PTPRD: variants seen among roughly 807,000 people sequenced by gnomAD.
PTPRD encodes the protein protein tyrosine phosphatase receptor type D, also known as receptor-type tyrosine-protein phosphatase delta.
In PTPRD, 34 loss-of-function variants were observed where a neutral mutation model predicts 214.5. The ratio of observed to expected loss-of-function variants is 0.16; its 90% CI spans 0.12 to 0.21. The LOEUF (loss-of-function observed/expected upper bound fraction) is 0.21. PTPRD is among the 10% of genes least tolerant of loss of function. PTPRD has a pLI of 1.00. For synonymous variants in PTPRD, 1,128 were observed against 845.7 expected (o/e 1.33, Z -5.79); for missense variants, 2,545 against 2,398.7 (o/e 1.06, Z -1.27).
intron 4 of PTPRD, among the ~76,000 whole-genome samples, chr9:10,016,393 A>ATAGATAGATATATAGATAGG (rs56040812): frequency 1.6e-4 from 24 of 150,012 alleles, no homozygotes; most frequent in African/African-American, 5.7e-4. Context: ...AGATAGATAG[A>ATAGATAGATATATAGATAGG]TAGACAGATA....
intron 2 of PTPRD, among the ~76,000 whole-genome samples, chr9:10,341,810 T>C (rs541635765): frequency 5.3e-5 from 8 of 152,176 alleles, no homozygotes; most frequent in African/African-American, 1.2e-4. Flanking sequence ...CCAGCTGATA[T>C]TGAGTTCCTA....
intron 8 of PTPRD, among the ~76,000 whole-genome samples, chr9:9,439,104 T>G (rs7855246): frequency 6.6e-6 from 1 of 151,860 alleles, no homozygotes; most frequent in African/African-American, 2.4e-5. Flanking sequence ...ATTCATAAAG[T>G]AGTATAAAGT....
intron 9 of PTPRD, among the ~76,000 whole-genome samples, chr9:9,268,366 C>T (rs116216636): frequency 0.011 from 1,581 of 150,048 alleles, 35 homozygotes; most frequent in African/African-American, 0.036. Context: ...ATGGAAAAAA[C>T]GCAAGTATAT....
intron 12 of PTPRD, among the ~76,000 whole-genome samples, chr9:8,714,440 T>C (rs2098407852): frequency 6.6e-6 from 1 of 152,158 alleles, no homozygotes. Context: ...AATCCCAACA[T>C]CACTAGCAAA....
intron 3 of PTPRD, among the ~76,000 whole-genome samples, chr9:10,224,575 T>A (rs1208895214): frequency 2.0e-5 from 3 of 152,084 alleles, no homozygotes; most frequent in Admixed American, 1.3e-4. Flanking sequence ...TATCCTTTTG[T>A]GATATTTTAA....
intron 10 of PTPRD, among the ~76,000 whole-genome samples, chr9:9,112,503 GAAAA>G (rs2099807457): frequency 1.3e-5 from 2 of 152,078 alleles, no homozygotes. Context: ...CTGGCCTTGA[GAAAA>G]TTCTCTTTCT....
intron 11 of PTPRD, among the ~76,000 whole-genome samples, chr9:8,820,802 A>G (rs2154526522): frequency 6.6e-6 from 1 of 152,318 alleles, no homozygotes; most frequent in East Asian, 1.9e-4. Context: ...GTAGAGTCAC[A>G]GAATACCTCT....
intron 4 of PTPRD, among the ~76,000 whole-genome samples, chr9:9,963,836 G>C (rs1370514654): frequency 6.6e-6 from 1 of 152,134 alleles, no homozygotes; most frequent in Admixed American, 6.5e-5. Context: ...GCTGTCAAAG[G>C]ATTCATCAAC....
intron 12 of PTPRD, among the ~76,000 whole-genome samples, chr9:8,705,756 G>C (rs1597484803): frequency 6.6e-6 from 1 of 152,220 alleles, no homozygotes; most frequent in Middle Eastern, 3.4e-3. Flanking sequence ...TGTATCACAT[G>C]TTTATTACTT....
chr9:8,816,763 C>A (rs868840675), intron 11 of PTPRD, among the ~76,000 whole-genome samples: 1 of 152,184 alleles, frequency 6.6e-6, no homozygotes, highest in African/African-American at 2.4e-5. Flanking sequence ...AGTCTTTTTA[C>A]ATAAACAAAA....
intron 2 of PTPRD, among the ~76,000 whole-genome samples, chr9:10,591,864 G>T (rs1004901910): frequency 6.6e-6 from 1 of 152,090 alleles, no homozygotes; most frequent in Non-Finnish European, 1.5e-5. Context: ...ACATGGCAAG[G>T]TATTGTAGTT....
chr9:9,608,075 C>G (rs906372945), intron 7 of PTPRD, among the ~76,000 whole-genome samples: 12 of 152,168 alleles, frequency 7.9e-5, no homozygotes, highest in Admixed American at 7.2e-4. Flanking sequence ...AGGTTAAGAT[C>G]ACTGGCTCCA....
chr9:8,816,333 G>A (rs1277859942), intron 11 of PTPRD, among the ~76,000 whole-genome samples: 1 of 152,206 alleles, frequency 6.6e-6, no homozygotes, highest in Non-Finnish European at 1.5e-5. Context: ...ACTGTATACA[G>A]AAGAACAGAA....
chr9:9,492,295 C>A (rs774841425), intron 8 of PTPRD, among the ~76,000 whole-genome samples: 1 of 149,004 alleles, frequency 6.7e-6, no homozygotes, highest in Non-Finnish European at 1.5e-5. Flanking sequence ...AACCCTGGAC[C>A]TGATGGACTC....
In PTPRD at chr9:9,290,111, C is replaced by A. The variant is rs1273707543; in HGVS notation, c.-202-106748G>T. On this transcript the variant is annotated intron_variant, in intron 9 of 45. Transcript: ENST00000381196. ...GGGTTCCCTTTTTTCCATACCTTCACCAACACTTGTTACCTCTTGTCTTTT... is the reference window on the plus strand; with the variant it reads ...GGGTTCCCTTTTTTCCATACCTTCAACAACACTTGTTACCTCTTGTCTTTT... 2.6e-5 allele frequency among the ~76,000 whole-genome samples: 4 copies of A among 151,766 alleles called. No individual in the cohort carries two copies. The East Asian group carries it at 7.8e-4, about 30-fold the overall frequency.
At chr9:10,570,854 C>T (rs1461775657) in intron 2 of PTPRD, among the ~76,000 whole-genome samples, 1 of 151,888 alleles carries the variant, frequency 6.6e-6, no homozygotes, top group Non-Finnish European at 1.5e-5. Context: ...ACTGGAGGCA[C>T]TCCCAGTTGC....
rs1598487682 is a variant in PTPRD at position 9,811,839 on chromosome 9, G to A, written c.-367-44988C>T. Among the ~76,000 whole-genome samples, 4 of 152,282 alleles carry A rather than the reference G, an allele frequency of 2.6e-5. No homozygotes were observed. The South Asian group carries it at 8.3e-4, about 32-fold the overall frequency. ...TTAATAAAGCAGTGATAGAGTTTGAGGGGATTGACTCTAATTGTGAAAGAA... is the reference window on the plus strand; with the variant it reads ...TTAATAAAGCAGTGATAGAGTTTGAAGGGATTGACTCTAATTGTGAAAGAA... On this transcript the variant is annotated intron_variant, in intron 5 of 45. Coordinates refer to ENST00000381196, the MANE Select transcript of PTPRD (RefSeq NM_002839.4).
intron 7 of PTPRD, among the ~76,000 whole-genome samples, chr9:9,646,375 C>T (rs1038738963): frequency 2.0e-5 from 3 of 150,584 alleles, no homozygotes; most frequent in South Asian, 2.1e-4. Flanking sequence ...TTGCCCAGCA[C>T]AGGTATGTTA....
intron 2 of PTPRD, among the ~76,000 whole-genome samples, chr9:10,468,971 GA>G (rs967383820): frequency 2.6e-5 from 4 of 151,976 alleles, no homozygotes; most frequent in African/African-American, 9.7e-5. Context: ...AAGTGAATTA[GA>G]AAAAAAGTTA....
Sources: gnomAD v4.1 joint callset for allele counts (sites outside exome capture counted in the v4.1 genomes callset) on GRCh38, gnomAD v4.1.1 for gene constraint, MANE v1.5 for transcripts, NCBI Gene and HGNC (gene_info 2026-07-23, HGNC 2026-07-21) for gene names.